EIPR1: variants seen among roughly 807,000 people sequenced by gnomAD.
EIPR1 encodes the protein EARP complex and GARP complex interacting protein 1.
A neutral mutation model predicts 48.1 loss-of-function variants in EIPR1; 25 were observed. That is an observed-to-expected ratio of 0.52 (90% CI 0.38 to 0.73). The LOEUF is 0.73. Among genes scored for constraint, EIPR1 ranks in the 30% least tolerant of loss-of-function variants. The probability of loss-of-function intolerance (pLI) is 0.00; values close to 1 mark genes in which losing one functional copy is unlikely to be tolerated. For synonymous variants in EIPR1, 204 were observed against 201.9 expected (o/e 1.01, Z -0.09); for missense variants, 415 against 506.2 (o/e 0.82, Z 1.73).
intron 1 of EIPR1, among the ~76,000 whole-genome samples, chr2:3,355,142 G>A (rs114977446): frequency 2.0e-5 from 3 of 152,162 alleles, no homozygotes; most frequent in South Asian, 2.1e-4. Context: ...GGAAGCCTAG[G>A]GGGGAAGCCC....
At chr2:3,301,737 A>C (rs1353042259) in intron 3 of EIPR1, among the ~76,000 whole-genome samples, 1 of 152,256 alleles carries the variant, frequency 6.6e-6, no homozygotes, top group Non-Finnish European at 1.5e-5. Context: ...AAAATAACAC[A>C]GTAGGATAAA....
chr2:3,306,532 C>T (rs1356098628), intron 3 of EIPR1, among the ~76,000 whole-genome samples: 3 of 152,128 alleles, frequency 2.0e-5, no homozygotes, highest in Admixed American at 2.0e-4. Context: ...TACTAATAGC[C>T]CACTGTTGCC....
chr2:3,362,236 C>T (rs1350027742), intron 1 of EIPR1, among the ~76,000 whole-genome samples: 1 of 151,624 alleles, frequency 6.6e-6, no homozygotes, highest in Non-Finnish European at 1.5e-5. Flanking sequence ...CAGGGGTGAG[C>T]CCCTTCCCCA....
intron 2 of EIPR1, among the ~76,000 whole-genome samples, chr2:3,346,990 G>A: frequency 6.6e-6 from 1 of 152,304 alleles, no homozygotes; most frequent in African/African-American, 2.4e-5. Context: ...ATGGCTGGGT[G>A]CTGTCTTCAT....
At chr2:3,259,806 A>G (rs7586784) in intron 3 of EIPR1, among the ~76,000 whole-genome samples, 7,130 of 152,360 alleles carry the variant, frequency 0.047, 195 homozygotes, top group African/African-American at 0.078. Context: ...TACTACAAAA[A>G]TAACACTCAA....
intron 3 of EIPR1, among the ~76,000 whole-genome samples, chr2:3,313,113 T>C (rs1261965051): frequency 2.0e-5 from 3 of 152,260 alleles, no homozygotes; most frequent in South Asian, 4.1e-4. Context: ...GGTGACTGCC[T>C]CCAACTCAGA....
At chr2:3,303,540 C>T (rs1359986313) in intron 3 of EIPR1, among the ~76,000 whole-genome samples, 1 of 152,254 alleles carries the variant, frequency 6.6e-6, no homozygotes, top group Non-Finnish European at 1.5e-5. Flanking sequence ...CAGTCTCACC[C>T]AAATGCTCAG....
chr2:3,276,718 C>A (rs1464524242), intron 3 of EIPR1, among the ~76,000 whole-genome samples: 1 of 152,222 alleles, frequency 6.6e-6, no homozygotes, highest in Non-Finnish European at 1.5e-5. Context: ...GGAAAGGTTT[C>A]CTCTAGATCT....
At position 3,189,582 on chromosome 2, in the gene EIPR1, G is replaced by A. The variant is rs552113200; in HGVS notation, c.990-74C>T. 1.5e-5 allele frequency: 21 copies of A among 1,391,418 alleles called. No homozygotes were observed. The highest frequency in any genetic ancestry group is 5.7e-5 in the African/African-American group (4 of 69,994). The allele number at this position is 1,391,418 out of a possible 1,614,324, so 86.2% of individuals were successfully genotyped here. ...GGCAGGAGAGGGGCAGGGAGGACGC[G>A]AGCGCTGACATCGGGAGACACGGGA... On this transcript the variant is annotated intron_variant, in intron 8 of 8. Coordinates refer to ENST00000382125, the MANE Select transcript of EIPR1 (RefSeq NM_003310.5). This position sits in a 1 kb window ranked among gnomAD's most constrained non-coding sequence, Gnocchi z 4.6.
At position 3,319,115 on chromosome 2, in the gene EIPR1, T is replaced by C. The variant is rs1403772172; in HGVS notation, c.259+18902A>G. On this transcript the variant is annotated intron_variant, in intron 3 of 8. Coordinates refer to ENST00000382125, the MANE Select transcript of EIPR1 (RefSeq NM_003310.5). The stretch of plus-strand genomic sequence containing the variant: ...TCTAAACTCCAGTGCTTGAGCGTCA[T>C]TACAAATGTCACTCTGAGACAATAG... 3 of 360,176 alleles carry C rather than the reference T, an allele frequency of 8.3e-6. No individual in the cohort carries two copies. In the East Asian group the frequency reaches 2.2e-4, roughly 27 times the overall value. The allele number at this position is 360,176 out of a possible 1,614,324, so 22.3% of individuals were successfully genotyped here.
At chr2:3,356,755 G>A (rs1327041955) in intron 1 of EIPR1, among the ~76,000 whole-genome samples, 1 of 152,206 alleles carries the variant, frequency 6.6e-6, no homozygotes, top group Non-Finnish European at 1.5e-5. Flanking sequence ...AGAGAAATGT[G>A]ACCACAGAAA....
In EIPR1 at chr2:3,377,681, G is replaced by C. The variant is rs764385500; in HGVS notation, c.9C>G (p.Asp3Glu). The stretch of plus-strand genomic sequence containing the variant: ...CCAGCCCGTAGATCACTGGTGCATC[G>C]TCCTCCATGCTGCGGGGAAGCGACC... MEDDAPVIYGLEF... is the reference protein window; with the variant it reads MEEDAPVIYGLEF... Residue 3 changes from aspartate to glutamate, a missense_variant, in exon 1 of 9, where the codon GAC becomes GAG. Transcript: ENST00000382125. 2 of 1,581,076 alleles carry C rather than the reference G, an allele frequency of 1.3e-6. No individual in the cohort carries two copies. The highest frequency in any genetic ancestry group is 1.8e-5 in the Admixed American group (1 of 55,830).
At chr2:3,342,461 C>G (rs991500497) in intron 2 of EIPR1, among the ~76,000 whole-genome samples, 4 of 152,234 alleles carry the variant, frequency 2.6e-5, no homozygotes, top group Non-Finnish European at 2.9e-5. Flanking sequence ...TGAAATGAAC[C>G]AGGGCAGCAG....
At chr2:3,301,947 G>C (rs977323563) in intron 3 of EIPR1, among the ~76,000 whole-genome samples, 1 of 152,190 alleles carries the variant, frequency 6.6e-6, no homozygotes, top group Admixed American at 6.5e-5. Flanking sequence ...GCGGAGCAGC[G>C]CATCAGTTAG....
chr2:3,240,094 C>A (rs370570263), intron 4 of EIPR1, among the ~76,000 whole-genome samples: 3 of 135,864 alleles, frequency 2.2e-5, no homozygotes, highest in East Asian at 2.3e-4. Context: ...CCTCCTAAAG[C>A]AAAGCCAGCA....
intron 4 of EIPR1, among the ~76,000 whole-genome samples, chr2:3,255,731 G>A (rs1290915848): frequency 6.6e-6 from 1 of 152,146 alleles, no homozygotes; most frequent in Non-Finnish European, 1.5e-5. Flanking sequence ...CCTCCCTAAC[G>A]TGACCACTGA....
intron 3 of EIPR1, among the ~76,000 whole-genome samples, chr2:3,294,845 T>TA (rs1215872951): frequency 7.7e-6 from 1 of 130,060 alleles, no homozygotes; most frequent in East Asian, 2.5e-4. Flanking sequence ...CCATCCTCTC[T>TA]CCACATACCC....
intron 4 of EIPR1, among the ~76,000 whole-genome samples, chr2:3,228,825 C>T (rs1248171339): frequency 6.6e-6 from 1 of 152,198 alleles, no homozygotes; most frequent in East Asian, 1.9e-4. Flanking sequence ...CATCCTGCCA[C>T]TCTGTGAAGA....
At chr2:3,358,186 T>C (rs1670774456) in intron 1 of EIPR1, among the ~76,000 whole-genome samples, 1 of 152,176 alleles carries the variant, frequency 6.6e-6, no homozygotes, top group African/African-American at 2.4e-5. Flanking sequence ...TTTGATTCAT[T>C]TCTTTCAAAA....
Sources: allele counts gnomAD v4.1 joint callset (sites outside exome capture counted in the v4.1 genomes callset), GRCh38; gene constraint gnomAD v4.1.1; non-coding constraint Gnocchi (gnomAD v3.1); transcripts MANE v1.5; gene names NCBI Gene and HGNC (gene_info 2026-07-23, HGNC 2026-07-21).